Variants in ESYT2 observed in about 807,000 individuals in gnomAD.
ESYT2 encodes the protein extended synaptotagmin-2.
ESYT2 carries 54 observed loss-of-function variants against 107.2 expected under a neutral mutation model. The ratio of observed to expected loss-of-function variants is 0.50; its 90% CI spans 0.40 to 0.63. ESYT2 has a LOEUF of 0.63. Among genes scored for constraint, ESYT2 ranks in the 30% least tolerant of loss-of-function variants. ESYT2 has a pLI of 0.00. For synonymous variants in ESYT2, 491 were observed against 434.1 expected (o/e 1.13, Z -1.63); for missense variants, 1,020 against 1,094.5 (o/e 0.93, Z 0.96).
intron 1 of ESYT2, among the ~76,000 whole-genome samples, chr7:158,825,035 G>A (rs1264385016): frequency 6.6e-6 from 1 of 152,212 alleles, no homozygotes; most frequent in Admixed American, 6.5e-5. Flanking sequence ...GTTCATGCCT[G>A]TAATCCCAGC....
intron 6 of ESYT2, among the ~76,000 whole-genome samples, chr7:158,782,985 G>A (rs978876497): frequency 2.6e-5 from 4 of 152,224 alleles, no homozygotes; most frequent in African/African-American, 9.6e-5. Context: ...CCTGGCTTTA[G>A]AAGGCGCCTT....
chr7:158,791,222 G>A (rs1839279973), intron 4 of ESYT2, among the ~76,000 whole-genome samples: 1 of 152,172 alleles, frequency 6.6e-6, no homozygotes, highest in African/African-American at 2.4e-5. Context: ...TGTCTGGCTT[G>A]TTTCCTTCAG....
chr7:158,767,837 T>C, intron 7 of ESYT2, 63 bp from the exon 8 acceptor site: 3 of 1,555,460 alleles, frequency 1.9e-6, no homozygotes, highest in East Asian at 2.3e-5. Flanking sequence ...TCTCTCACCT[T>C]TGACAACAGA....
intron 16 of ESYT2, 54 bp from the exon 17 acceptor site, chr7:158,743,732 C>T (rs1385586396): frequency 1.9e-6 from 3 of 1,558,412 alleles, no homozygotes; most frequent in Non-Finnish European, 1.7e-6. Context: ...TCTGCAGAAC[C>T]TTTCTACGTT....
At position 158,829,475 on chromosome 7, in the gene ESYT2, T is replaced by C; in HGVS notation, c.-57A>G. On this transcript the variant is annotated 5_prime_UTR_variant, in exon 1 of 23. Coordinates refer to ENST00000275418, the MANE Select transcript of ESYT2 (RefSeq NM_001367773.1). ...GAGGCGGGCTGGGTGCTCGCGCTGA[T>C]CCCGGGCGGCTCAGCCCCGCGCCAG... The C allele has an allele frequency of 8.3e-7, 1 of 1,211,798 alleles. No homozygotes were observed. Among genetic ancestry groups the C allele is most frequent in the East Asian group, 3.5e-5 (1 of 28,866 alleles). 75.1% of individuals were successfully genotyped at this position (1,211,798 alleles called of 1,614,324 possible). A position where few individuals can be genotyped will look rare whatever the true frequency, so the allele number is the denominator to read the frequency against.
chr7:158,781,001 C>T (rs1838762889), intron 6 of ESYT2, among the ~76,000 whole-genome samples: 1 of 151,994 alleles, frequency 6.6e-6, no homozygotes, highest in African/African-American at 2.4e-5. Context: ...GGACAGAGAA[C>T]TAATGTGAGA....
chr7:158,777,808 A>T (rs551579057), intron 6 of ESYT2, among the ~76,000 whole-genome samples: 50 of 152,198 alleles, frequency 3.3e-4, no homozygotes, highest in Non-Finnish European at 6.3e-4. Context: ...AAACGATTAC[A>T]TTAGAAACAA....
At chr7:158,774,332 C>T (rs896471107) in intron 6 of ESYT2, among the ~76,000 whole-genome samples, 1 of 152,112 alleles carries the variant, frequency 6.6e-6, no homozygotes, top group African/African-American at 2.4e-5. Context: ...TCCTGAAAGG[C>T]TAAGATTTCT....
intron 19 of ESYT2, 149 bp from the exon 20 acceptor site, chr7:158,737,328 C>G: frequency 3.9e-6 from 4 of 1,030,636 alleles, no homozygotes; most frequent in Non-Finnish European, 5.4e-6. Flanking sequence ...GCGCTTTTGC[C>G]TCCCCCGACG....
intron 1 of ESYT2, among the ~76,000 whole-genome samples, chr7:158,800,041 A>G (rs938371454): frequency 7.1e-6 from 1 of 141,750 alleles, no homozygotes; most frequent in Non-Finnish European, 1.5e-5. Flanking sequence ...TTTTAAGACT[A>G]TGTGGCCTCT....
At position 158,797,540 on chromosome 7, in the gene ESYT2, G is replaced by GA. The variant is rs967578346; in HGVS notation, c.507+401dup. The stretch of plus-strand genomic sequence containing the variant: ...AGGGCAACATAGTGAGGCCCCGTCT[G>GA]AAAAAAAAAAATTTAAAAGAAAATG... On this transcript the variant is annotated intron_variant, in intron 3 of 22. Transcript: ENST00000275418. 1.4e-3 allele frequency among the ~76,000 whole-genome samples: 204 copies of GA among 148,164 alleles called. 1 individual carries two copies. The highest frequency in any genetic ancestry group is 1.6e-3 in the Non-Finnish European group (104 of 66,774).
At chr7:158,748,162 A>C in intron 16 of ESYT2, 32 bp downstream of exon 16, 2 of 1,595,834 alleles carry the variant, frequency 1.3e-6, no homozygotes, top group Non-Finnish European at 1.7e-6. Flanking sequence ...ATTATTTGTC[A>C]ATAAATTGGT....
At chr7:158,788,616 C>CGAA (rs1839186029) in intron 4 of ESYT2, among the ~76,000 whole-genome samples, 199 bp from the exon 5 acceptor site, 1 of 152,200 alleles carries the variant, frequency 6.6e-6, no homozygotes, top group African/African-American at 2.4e-5. Flanking sequence ...AGATCCAACA[C>CGAA]TGCTATGACG....
At chr7:158,807,902 T>C (rs1839879303) in intron 1 of ESYT2, among the ~76,000 whole-genome samples, 1 of 152,218 alleles carries the variant, frequency 6.6e-6, no homozygotes, top group African/African-American at 2.4e-5. Context: ...GGCCAGGCTA[T>C]GAGCTGAGGC....
At chr7:158,793,173 G>C (rs1056669539) in intron 4 of ESYT2, among the ~76,000 whole-genome samples, 1 of 152,130 alleles carries the variant, frequency 6.6e-6, no homozygotes, top group Non-Finnish European at 1.5e-5. Flanking sequence ...AAAGGGTATT[G>C]AATTTTGTTA....
chr7:158,745,585 C>A (rs577169843), intron 16 of ESYT2, among the ~76,000 whole-genome samples: 25 of 152,210 alleles, frequency 1.6e-4, no homozygotes, highest in African/African-American at 5.8e-4. Context: ...CCAGGACAGG[C>A]AGTGCTCTGG....
Position 158,791,551 on chromosome 7 carries a change from C to G in ESYT2, c.584+2099G>C, listed in dbSNP as rs747012810. Among the ~76,000 whole-genome samples, 118 of 152,332 alleles carry G rather than the reference C, an allele frequency of 7.7e-4. 1 individual carries two copies. Among genetic ancestry groups the G allele is most frequent in the Non-Finnish European group, 1.2e-3 (82 of 68,038 alleles). On this transcript the variant is annotated intron_variant, in intron 4 of 22. Transcript: ENST00000275418. ...TTTCTACCAACAGTGCACAAAGGTTCCAATTTCTCCACATCTCACCAACAC... is the reference window on the plus strand; with the variant it reads ...TTTCTACCAACAGTGCACAAAGGTTGCAATTTCTCCACATCTCACCAACAC...
At chr7:158,803,034 A>G (rs2788497) in intron 1 of ESYT2, among the ~76,000 whole-genome samples, 141,355 of 152,332 alleles carry the variant, frequency 0.93, 65,685 homozygotes, top group East Asian at 0.95. Flanking sequence ...GTTGGTTGCA[A>G]GGAAGAATTC....
In ESYT2 at chr7:158,736,741, T is replaced by C. The variant is rs144732840; in HGVS notation, c.2399+307A>G. On this transcript the variant is annotated intron_variant, in intron 20 of 22. Coordinates refer to ENST00000275418, the MANE Select transcript of ESYT2 (RefSeq NM_001367773.1). ...AAATTCTCAGTTTTAATTGATAACA[T>C]AGTTAAGTGTCAACAGATATAACCC... 1.4e-4 allele frequency among the ~76,000 whole-genome samples: 21 copies of C among 152,322 alleles called. No individual in the cohort carries two copies. In the East Asian group the frequency reaches 3.1e-3, roughly 22 times the overall value.
Sources: gnomAD v4.1 joint callset for allele counts (sites outside exome capture counted in the v4.1 genomes callset) on GRCh38, gnomAD v4.1.1 for gene constraint, MANE v1.5 for transcripts, NCBI Gene and HGNC (gene_info 2026-07-23, HGNC 2026-07-21) for gene names.